NAV1: variants seen among roughly 807,000 people sequenced by gnomAD.
The protein encoded by NAV1 is neuron navigator 1, also known as pore membrane and/or filament interacting like protein 3.
NAV1 carries 18 observed loss-of-function variants against 175.2 expected under a neutral mutation model. The ratio of observed to expected loss-of-function variants is 0.10; its 90% CI spans 0.07 to 0.15. The LOEUF (loss-of-function observed/expected upper bound fraction) is 0.15. NAV1 is among the 10% of genes least tolerant of loss of function. The pLI is 1.00. For missense variants in NAV1, 1,731 were observed against 2,436.6 expected (o/e 0.71, Z 6.10); for synonymous variants, 897 against 978.7 (o/e 0.92, Z 1.56).
At chr1:201,733,165 G>A (rs1325707130) in intron 3 of NAV1, among the ~76,000 whole-genome samples, 1 of 151,662 alleles carries the variant, frequency 6.6e-6, no homozygotes, top group Admixed American at 6.6e-5. Context: ...CGGATCATGA[G>A]GTCAAGAGAT....
upstream of NAV1, among the ~76,000 whole-genome samples, chr1:201,644,083 C>T (rs1328501036): frequency 1.3e-5 from 2 of 152,154 alleles, no homozygotes; most frequent in Non-Finnish European, 2.9e-5. Context: ...TGTTCCAAAC[C>T]AGCCTCTTTC....
intron 3 of NAV1, among the ~76,000 whole-genome samples, chr1:201,730,998 A>G (rs1274891356): frequency 1.3e-5 from 2 of 152,164 alleles, no homozygotes. Flanking sequence ...CAGTGTGACG[A>G]TGGAACAAGC....
intron 3 of NAV1, among the ~76,000 whole-genome samples, chr1:201,757,255 T>G (rs1380549823): frequency 1.3e-5 from 2 of 152,124 alleles, no homozygotes; most frequent in Non-Finnish European, 2.9e-5. Flanking sequence ...GTTTCTTTCT[T>G]TTTTCTTTTT....
chr1:201,568,622 G>A (rs182216538), intron 1 of NAV1, among the ~76,000 whole-genome samples: 1 of 152,226 alleles, frequency 6.6e-6, no homozygotes, highest in Non-Finnish European at 1.5e-5. Context: ...ACCTCCTTGG[G>A]CCTCAGTTTC....
chr1:201,561,780 G>A (rs1044821343), intron 1 of NAV1, among the ~76,000 whole-genome samples: 1 of 152,184 alleles, frequency 6.6e-6, no homozygotes, highest in African/African-American at 2.4e-5. Flanking sequence ...GGGCCTCCAT[G>A]AGATTAGGAA....
chr1:201,652,635 A>AC (rs11390387), intron 1 of NAV1, among the ~76,000 whole-genome samples: 49,055 of 151,654 alleles, frequency 0.32, 8,555 homozygotes, highest in South Asian at 0.42. Flanking sequence ...AAGCTCTGTG[A>AC]CCCCCTCTGG....
At chr1:201,646,509 A>T (rs550749639), upstream of NAV1, among the ~76,000 whole-genome samples, 78 of 152,344 alleles carry the variant, frequency 5.1e-4, no homozygotes, top group African/African-American at 1.9e-3. Context: ...CAGGAAATAC[A>T]AGAGTCCAGA....
At chr1:201,581,797 C>T (rs902824740) in intron 1 of NAV1, among the ~76,000 whole-genome samples, 6 of 151,538 alleles carry the variant, frequency 4.0e-5, no homozygotes, top group African/African-American at 1.2e-4. Context: ...CCACTACACT[C>T]GAGCCTGGAC....
rs368133204 is a variant in NAV1 at position 201,604,744 on chromosome 1, A to G, written c.-33+16095A>G. On this transcript the variant is annotated intron_variant, in intron 2 of 33. Coordinates refer to the NAV1 transcript ENST00000685211. Reference sequence around the variant, plus strand: ...AGAAAGAGAAAGAAAGAAAGAAAGAAAGAGAGAGAGAGAGAAATAAAGGAA... The same window carrying G: ...AGAAAGAGAAAGAAAGAAAGAAAGAGAGAGAGAGAGAGAGAAATAAAGGAA... Among the ~76,000 whole-genome samples, 800 of 149,706 alleles carry G rather than the reference A, an allele frequency of 5.3e-3. 14 individuals are homozygous for G. The highest frequency in any genetic ancestry group is 0.017 in the African/African-American group (715 of 40,974).
At chr1:201,645,074 T>C (rs1489526311), upstream of NAV1, among the ~76,000 whole-genome samples, 1 of 152,140 alleles carries the variant, frequency 6.6e-6, no homozygotes, top group African/African-American at 2.4e-5. Context: ...GGATTATAAA[T>C]CATGCTGCTA....
At chr1:201,612,291 A>G (rs1261760068) in intron 2 of NAV1, among the ~76,000 whole-genome samples, 1 of 152,034 alleles carries the variant, frequency 6.6e-6, no homozygotes, top group Non-Finnish European at 1.5e-5. Flanking sequence ...CTCTACAAAA[A>G]ATTAAAAAAC....
chr1:201,763,048 C>T (rs555817648), intron 3 of NAV1, among the ~76,000 whole-genome samples: 3 of 152,284 alleles, frequency 2.0e-5, no homozygotes, highest in African/African-American at 7.2e-5. Flanking sequence ...CCTTCAGGCC[C>T]TCTCCAATAA....
At chr1:201,605,284 G>T (rs776206247) in intron 2 of NAV1, among the ~76,000 whole-genome samples, 1 of 151,456 alleles carries the variant, frequency 6.6e-6, no homozygotes, top group Non-Finnish European at 1.5e-5. Flanking sequence ...CCAGCATCTC[G>T]TTGCCTAGCA....
At chr1:201,647,538 T>C, upstream of NAV1, among the ~76,000 whole-genome samples, 1 of 152,150 alleles carries the variant, frequency 6.6e-6, no homozygotes, top group East Asian at 1.9e-4. Context: ...CTAATTGGAA[T>C]AGAAACCCAG....
At chr1:201,576,094 GAC>G (rs1666683678) in intron 1 of NAV1, among the ~76,000 whole-genome samples, 1 of 152,162 alleles carries the variant, frequency 6.6e-6, no homozygotes, top group Admixed American at 6.5e-5. Context: ...CTGCTGTAAA[GAC>G]ACAGAACAGT....
At chr1:201,786,237 T>C (rs1446641918) in intron 8 of NAV1, among the ~76,000 whole-genome samples, 192 bp from the exon 13 acceptor site, 2 of 152,170 alleles carry the variant, frequency 1.3e-5, no homozygotes, top group Non-Finnish European at 2.9e-5. Flanking sequence ...CCACACCCTC[T>C]GGATGGTCTG....
At chr1:201,558,075 C>T (rs1253536191) in intron 1 of NAV1, among the ~76,000 whole-genome samples, 2 of 152,210 alleles carry the variant, frequency 1.3e-5, no homozygotes, top group Non-Finnish European at 2.9e-5. Flanking sequence ...TATTATTTAT[C>T]CCCTCAATGT....
intron 2 of NAV1, among the ~76,000 whole-genome samples, chr1:201,632,299 T>C (rs1668499943): frequency 1.3e-5 from 2 of 152,228 alleles, no homozygotes; most frequent in South Asian, 2.1e-4. Flanking sequence ...TCTTCATATA[T>C]CCTGAAGGCC....
At chr1:201,650,435 T>C (rs1053240690) in intron 1 of NAV1, among the ~76,000 whole-genome samples, 2 of 152,166 alleles carry the variant, frequency 1.3e-5, no homozygotes, top group African/African-American at 4.8e-5. Flanking sequence ...GGCGAGCTGC[T>C]TTGGCTGCGC....
Sources: allele counts gnomAD v4.1 joint callset (sites outside exome capture counted in the v4.1 genomes callset), GRCh38; gene constraint gnomAD v4.1.1; transcripts MANE v1.5; gene names NCBI Gene and HGNC (gene_info 2026-07-23, HGNC 2026-07-21).